Variants in ZNF804B observed in about 807,000 individuals in gnomAD.
The protein encoded by ZNF804B is zinc finger protein 804B, also known as zinc finger 804B.
ZNF804B carries 80 observed loss-of-function variants against 101.4 expected under a neutral mutation model. The ratio of observed to expected loss-of-function variants is 0.79; its 90% CI spans 0.66 to 0.95. The LOEUF (loss-of-function observed/expected upper bound fraction) is 0.95, where lower values mean the gene tolerates loss of function less well. Among genes scored for constraint, ZNF804B ranks in the 40% least tolerant of loss-of-function variants. The probability of loss-of-function intolerance (pLI) is 0.00; values close to 1 mark genes in which losing one functional copy is unlikely to be tolerated. For synonymous variants in ZNF804B, 622 were observed against 558.8 expected (o/e 1.11, Z -1.59); for missense variants, 1,673 against 1,561.9 (o/e 1.07, Z -1.20).
intron 1 of ZNF804B, among the ~76,000 whole-genome samples, chr7:89,212,519 T>C (rs1788821243): frequency 6.6e-6 from 1 of 152,146 alleles, no homozygotes; most frequent in African/African-American, 2.4e-5. Context: ...CAGGCTTAAA[T>C]ATCATCATTC....
intron 1 of ZNF804B, among the ~76,000 whole-genome samples, chr7:88,854,522 C>CTTCCT (rs767077064): frequency 3.6e-5 from 2 of 56,196 alleles, no homozygotes; most frequent in Non-Finnish European, 6.1e-5. Context: ...CTTTCCTTTC[C>CTTCCT]TTCCTTTCCT....
At chr7:89,103,010 T>G (rs1033525744) in intron 1 of ZNF804B, among the ~76,000 whole-genome samples, 3 of 149,742 alleles carry the variant, frequency 2.0e-5, no homozygotes, top group African/African-American at 7.3e-5. Context: ...TGGTTTTATT[T>G]CTGGGTTCTC....
chr7:88,808,483 G>T (rs1790726706), intron 1 of ZNF804B, among the ~76,000 whole-genome samples: 1 of 151,138 alleles, frequency 6.6e-6, no homozygotes, highest in Admixed American at 6.6e-5. Context: ...TTATCATCTT[G>T]TCTAGGGTAG....
intron 1 of ZNF804B, among the ~76,000 whole-genome samples, chr7:89,154,530 T>TA (rs1257736819): frequency 1.3e-5 from 2 of 152,112 alleles, no homozygotes; most frequent in East Asian, 3.9e-4. Context: ...TATTCAGCCA[T>TA]AAAAAACAAT....
intron 1 of ZNF804B, among the ~76,000 whole-genome samples, chr7:89,185,745 A>G (rs1270568675): frequency 6.6e-6 from 1 of 152,038 alleles, no homozygotes; most frequent in African/African-American, 2.4e-5. Context: ...CTGTAATCCC[A>G]GCTACTTGGG....
chr7:88,904,670 T>C (rs1792441700), intron 1 of ZNF804B, among the ~76,000 whole-genome samples: 1 of 152,160 alleles, frequency 6.6e-6, no homozygotes, highest in South Asian at 2.1e-4. Context: ...TTCATCTCTT[T>C]GGTTAGCTGT....
At chr7:89,002,633 T>TAG (rs1407199506) in intron 1 of ZNF804B, among the ~76,000 whole-genome samples, 1 of 151,910 alleles carries the variant, frequency 6.6e-6, no homozygotes, top group African/African-American at 2.4e-5. Context: ...TACTATCATG[T>TAG]TATTTACCTC....
chr7:89,233,086 TAA>T (rs1178652096), intron 2 of ZNF804B, among the ~76,000 whole-genome samples: 1 of 151,138 alleles, frequency 6.6e-6, no homozygotes, highest in Non-Finnish European at 1.5e-5. Context: ...CACGCCTGGC[TAA>T]TTTTTTTTTT....
At chr7:89,022,361 T>C (rs144923863) in intron 1 of ZNF804B, among the ~76,000 whole-genome samples, 1 of 152,330 alleles carries the variant, frequency 6.6e-6, no homozygotes, top group African/African-American at 2.4e-5. Flanking sequence ...TTTTAAATAG[T>C]TTATATGAAA....
intron 1 of ZNF804B, among the ~76,000 whole-genome samples, chr7:89,190,327 C>T (rs1788435431): frequency 2.1e-5 from 3 of 141,438 alleles, no homozygotes; most frequent in African/African-American, 8.1e-5. Context: ...AAGAGCAAAA[C>T]TCCGTCTTAA....
intron 1 of ZNF804B, among the ~76,000 whole-genome samples, chr7:89,053,833 A>G (rs1789247085): frequency 6.6e-6 from 1 of 152,080 alleles, no homozygotes; most frequent in Admixed American, 6.6e-5. Context: ...GAAGAGAGTA[A>G]TATGAAAATT....
chr7:88,975,518 A>C (rs1014798735), intron 1 of ZNF804B, among the ~76,000 whole-genome samples: 2 of 151,434 alleles, frequency 1.3e-5, no homozygotes, highest in African/African-American at 4.8e-5. Context: ...TTTGATTTGC[A>C]TATCTCTCAT....
At chr7:88,845,706 C>T (rs752818304) in intron 1 of ZNF804B, among the ~76,000 whole-genome samples, 5 of 151,902 alleles carry the variant, frequency 3.3e-5, no homozygotes, top group Non-Finnish European at 7.4e-5. Context: ...AAGCAGAATA[C>T]AAGTCACCTC....
intron 1 of ZNF804B, among the ~76,000 whole-genome samples, chr7:89,036,625 C>A (rs1196583356): frequency 2.6e-5 from 4 of 152,012 alleles, no homozygotes; most frequent in Admixed American, 1.3e-4. Context: ...AAACTGAGAC[C>A]TTAGTCTTAA....
At chr7:88,829,698 C>G (rs1264658889) in intron 1 of ZNF804B, among the ~76,000 whole-genome samples, 40 of 151,980 alleles carry the variant, frequency 2.6e-4, no homozygotes, top group Admixed American at 2.6e-3. Flanking sequence ...TATGTGCTCT[C>G]CAAAGACCTT....
intron 2 of ZNF804B, among the ~76,000 whole-genome samples, chr7:89,264,951 A>T (rs1789762945): frequency 6.6e-6 from 1 of 152,222 alleles, no homozygotes; most frequent in African/African-American, 2.4e-5. Flanking sequence ...TATTGTTATT[A>T]TCTAGAAGTC....
chr7:89,062,924 T>C (rs144129458), intron 1 of ZNF804B, among the ~76,000 whole-genome samples: 7 of 152,270 alleles, frequency 4.6e-5, no homozygotes, highest in African/African-American at 1.7e-4. Flanking sequence ...TAATAGTGGA[T>C]TAAAGGCAGA....
chr7:89,229,064 G>A (rs539452597), intron 2 of ZNF804B, among the ~76,000 whole-genome samples: 2 of 152,078 alleles, frequency 1.3e-5, no homozygotes, highest in East Asian at 3.9e-4. Context: ...ACTCGCGCTG[G>A]CACGCAAGCA....
intron 2 of ZNF804B, among the ~76,000 whole-genome samples, chr7:89,253,913 T>A (rs917890467): frequency 6.6e-6 from 1 of 152,080 alleles, no homozygotes; most frequent in Non-Finnish European, 1.5e-5. Flanking sequence ...TATTCCTACT[T>A]TAGATGGAGG....
Sources: gnomAD v4.1 joint callset for allele counts (sites outside exome capture counted in the v4.1 genomes callset) on GRCh38, gnomAD v4.1.1 for gene constraint, MANE v1.5 for transcripts, NCBI Gene and HGNC (gene_info 2026-07-23, HGNC 2026-07-21) for gene names.